The following ZNF385D variants were observed in gnomAD, a reference collection of about 807,000 sequenced individuals.
ZNF385D encodes zinc finger protein 385D, also known as zinc finger protein 659.
In ZNF385D, 15 loss-of-function variants were observed where a neutral mutation model predicts 35.8. The observed-to-expected ratio is 0.42, with a 90% confidence interval of 0.28 to 0.64. The LOEUF is 0.64. ZNF385D is among the 30% of genes least tolerant of loss of function. The probability of loss-of-function intolerance (pLI) is 0.23; values close to 1 mark genes in which losing one functional copy is unlikely to be tolerated. For synonymous variants in ZNF385D, 212 were observed against 186.8 expected (o/e 1.13, Z -1.10); for missense variants, 474 against 494.6 (o/e 0.96, Z 0.39).
At chr3:22,334,701 G>A (rs1421379930) in intron 2 of ZNF385D, among the ~76,000 whole-genome samples, 1 of 152,122 alleles carries the variant, frequency 6.6e-6, no homozygotes, top group Non-Finnish European at 1.5e-5. Flanking sequence ...TTGTTGAGAA[G>A]TGGACATTTT....
intron 2 of ZNF385D, among the ~76,000 whole-genome samples, chr3:21,591,289 C>T (rs2063969204): frequency 6.6e-6 from 1 of 151,930 alleles, no homozygotes; most frequent in African/African-American, 2.4e-5. Context: ...CAAGTGCCCC[C>T]TCAATAAACA....
At chr3:22,372,125 C>T (rs991702961) in intron 2 of ZNF385D, among the ~76,000 whole-genome samples, 2 of 152,138 alleles carry the variant, frequency 1.3e-5, no homozygotes, top group Non-Finnish European at 2.9e-5. Flanking sequence ...CCTCGCCCCC[C>T]CGCCTCGGCC....
chr3:21,594,950 C>T lies in ZNF385D; in HGVS notation c.166-30266G>A, dbSNP rs561781102. Among the ~76,000 whole-genome samples the T allele has an allele frequency of 5.9e-5, 9 of 152,226 alleles. No individual in the cohort carries two copies. The South Asian group carries it at 1.0e-3, about 18-fold the overall frequency. On this transcript the variant is annotated intron_variant, in intron 2 of 7. Coordinates refer to ENST00000281523, the MANE Select transcript of ZNF385D (RefSeq NM_024697.3). ...TCAAGTAAAGTACAAAATTAAACTGCGCATTTGCTATCACAGGTAAAACCA... is the reference window on the plus strand; with the variant it reads ...TCAAGTAAAGTACAAAATTAAACTGTGCATTTGCTATCACAGGTAAAACCA...
intron 3 of ZNF385D, among the ~76,000 whole-genome samples, chr3:22,114,163 T>C (rs1014612695): frequency 3.3e-5 from 5 of 152,058 alleles, no homozygotes; most frequent in African/African-American, 4.8e-5. Context: ...ATGTCAAATA[T>C]CTGTTAAAGA....
At chr3:21,538,640 T>C (rs747724997) in intron 3 of ZNF385D, among the ~76,000 whole-genome samples, 7 of 152,108 alleles carry the variant, frequency 4.6e-5, no homozygotes, top group East Asian at 1.9e-4. Context: ...CCACCACCAC[T>C]GTGTTACTTC....
intron 2 of ZNF385D, among the ~76,000 whole-genome samples, chr3:21,654,110 T>A (rs767200151): frequency 2.0e-5 from 3 of 151,964 alleles, no homozygotes; most frequent in Non-Finnish European, 4.4e-5. Context: ...AAAAAAAAAC[T>A]TGAATATAGA....
At chr3:22,126,761 C>T (rs776154681) in intron 3 of ZNF385D, among the ~76,000 whole-genome samples, 1 of 151,972 alleles carries the variant, frequency 6.6e-6, no homozygotes, top group Non-Finnish European at 1.5e-5. Flanking sequence ...CATTATCTGC[C>T]CAATGCTGAA....
intron 3 of ZNF385D, among the ~76,000 whole-genome samples, chr3:22,002,922 T>A (rs1055571778): frequency 6.6e-6 from 1 of 151,864 alleles, no homozygotes; most frequent in Non-Finnish European, 1.5e-5. Context: ...AAGAAACATA[T>A]CTCAAAATAA....
At chr3:21,724,477 CAAAAAAAAAAAAAAAAAAAAAAAAAAAA>C (rs200803155) in intron 1 of ZNF385D, among the ~76,000 whole-genome samples, 20,363 of 52,390 alleles carry the variant, frequency 0.39, 2,327 homozygotes, top group Admixed American at 0.53. Context: ...AATGGAAAGC[CAAAAAAAAAAAAAAAAAAAAAAAAAAAA>C]AAAAAAAAAA....
intron 4 of ZNF385D, among the ~76,000 whole-genome samples, chr3:21,489,866 C>A (rs1403371418): frequency 6.6e-6 from 1 of 152,108 alleles, no homozygotes; most frequent in Non-Finnish European, 1.5e-5. Context: ...GCATACCAAT[C>A]TTCTGGTTAT....
chr3:21,624,819 A>C (rs546887371), intron 2 of ZNF385D, among the ~76,000 whole-genome samples: 1 of 152,196 alleles, frequency 6.6e-6, no homozygotes, highest in African/African-American at 2.4e-5. Context: ...CAGCTGCCAA[A>C]TGTTTTCCTG....
intron 1 of ZNF385D, among the ~76,000 whole-genome samples, chr3:21,691,125 C>A (rs1053355461): frequency 6.6e-6 from 1 of 152,046 alleles, no homozygotes; most frequent in African/African-American, 2.4e-5. Context: ...CAGGAGTACC[C>A]TCAATTCCCT....
chr3:22,237,675 GCT>G (rs1576544322), intron 2 of ZNF385D, among the ~76,000 whole-genome samples: 1 of 151,992 alleles, frequency 6.6e-6, no homozygotes, highest in East Asian at 1.9e-4. Flanking sequence ...ATGGGGTCTC[GCT>G]CTGTCACCCA....
At position 21,558,091 on chromosome 3, in the gene ZNF385D, A is replaced by G. The variant is rs2062804088; in HGVS notation, c.276+6483T>C. Among the ~76,000 whole-genome samples the G allele has an allele frequency of 2.7e-5, 4 of 149,690 alleles. No homozygotes were observed. In the South Asian group the frequency reaches 8.4e-4, roughly 31 times the overall value. ...TCTGTTTTGCTGATCTTTTCAAAAA[A>G]TCAGCTCCTGGATTCATTGATTTTT... On this transcript the variant is annotated intron_variant, in intron 3 of 7. Transcript: ENST00000281523.
chr3:21,715,049 T>C (rs1287921936), intron 1 of ZNF385D, among the ~76,000 whole-genome samples: 2 of 152,180 alleles, frequency 1.3e-5, no homozygotes, highest in Non-Finnish European at 2.9e-5. Context: ...TTTTAAATCT[T>C]TCCACTTGTT....
At chr3:21,644,696 G>A (rs2065701337) in intron 2 of ZNF385D, among the ~76,000 whole-genome samples, 2 of 152,088 alleles carry the variant, frequency 1.3e-5, no homozygotes, top group South Asian at 2.1e-4. Flanking sequence ...TACATACAAC[G>A]GAGGCTCAAA....
intron 3 of ZNF385D, among the ~76,000 whole-genome samples, chr3:21,531,877 G>A (rs1270570080): frequency 6.6e-6 from 1 of 152,150 alleles, no homozygotes; most frequent in Non-Finnish European, 1.5e-5. Flanking sequence ...GAACCCTAAA[G>A]TTAATTGCAG....
At chr3:21,886,523 C>T (rs2670253) in intron 3 of ZNF385D, among the ~76,000 whole-genome samples, 63,148 of 151,642 alleles carry the variant, frequency 0.42, 13,403 homozygotes, top group East Asian at 0.54. Flanking sequence ...CTTATCCTTT[C>T]TGAAGAAATA....
intron 2 of ZNF385D, among the ~76,000 whole-genome samples, chr3:22,170,983 C>A (rs960336876): frequency 6.6e-6 from 1 of 152,026 alleles, no homozygotes; most frequent in African/African-American, 2.4e-5. Flanking sequence ...ATATTTACTA[C>A]CATATGAAGC....
Sources: allele counts gnomAD v4.1 joint callset (sites outside exome capture counted in the v4.1 genomes callset), GRCh38; gene constraint gnomAD v4.1.1; transcripts MANE v1.5; gene names NCBI Gene and HGNC (gene_info 2026-07-23, HGNC 2026-07-21).